GALNT6: variants seen among roughly 807,000 people sequenced by gnomAD.
GALNT6 encodes GalNAc transferase 6.
Under a neutral mutation model 65.9 loss-of-function variants are expected in GALNT6, and 51 were observed. The ratio of observed to expected loss-of-function variants is 0.77; its 90% CI spans 0.62 to 0.98. GALNT6 has a LOEUF of 0.98. Ranked by LOEUF, GALNT6 falls within the 50% of genes least tolerant of loss-of-function variation. GALNT6 has a pLI of 0.00. For synonymous variants in GALNT6, 323 were observed against 315.1 expected (o/e 1.02, Z -0.26); for missense variants, 708 against 803.3 (o/e 0.88, Z 1.43).
chr12:51,371,978 CTTT>C (rs1352949380), intron 4 of GALNT6, among the ~76,000 whole-genome samples: 1 of 152,124 alleles, frequency 6.6e-6, no homozygotes, highest in Non-Finnish European at 1.5e-5. Context: ...TTTTTTCCTC[CTTT>C]CCTCACTGAA....
intron 4 of GALNT6, among the ~76,000 whole-genome samples, chr12:51,374,859 T>C (rs1246885171): frequency 6.6e-6 from 1 of 152,202 alleles, no homozygotes; most frequent in South Asian, 2.1e-4. Context: ...AAAGCTGCCA[T>C]CCTTCTGAAA....
intron 4 of GALNT6, among the ~76,000 whole-genome samples, chr12:51,373,264 A>G (rs1481710454): frequency 6.6e-6 from 1 of 152,112 alleles, no homozygotes; most frequent in Non-Finnish European, 1.5e-5. Context: ...CCTCACCCAA[A>G]TCTCATCTTG....
intron 4 of GALNT6, among the ~76,000 whole-genome samples, chr12:51,368,286 A>G (rs1947176619): frequency 6.6e-6 from 1 of 151,938 alleles, no homozygotes; most frequent in South Asian, 2.1e-4. Context: ...AGGGAGAGAA[A>G]GGGGTTTGTT....
chr12:51,385,768 C>A lies in GALNT6; in HGVS notation c.-104+5082G>T, dbSNP rs568893492. 3.9e-5 allele frequency among the ~76,000 whole-genome samples: 6 copies of A among 152,308 alleles called. No homozygotes were observed. In the South Asian group the frequency reaches 1.2e-3, roughly 32 times the overall value. On this transcript the variant is annotated intron_variant, in intron 2 of 11. Coordinates refer to ENST00000356317, the MANE Select transcript of GALNT6 (RefSeq NM_007210.4). ...GGACTCCTGGACCAGAGAGGCCATGCCATTTCCAGCTTTTTATCACCTACA... is the reference window on the plus strand; with the variant it reads ...GGACTCCTGGACCAGAGAGGCCATGACATTTCCAGCTTTTTATCACCTACA...
chr12:51,380,620 G>A (rs1175510052), intron 2 of GALNT6, among the ~76,000 whole-genome samples: 1 of 152,180 alleles, frequency 6.6e-6, no homozygotes, highest in Admixed American at 6.6e-5. Context: ...GTGAAACCCT[G>A]TCTCTACTAA....
In GALNT6 at chr12:51,379,983, G is replaced by T. The variant is rs1265820200; in HGVS notation, c.-103-99C>A. On this transcript the variant is annotated intron_variant, in intron 2 of 11. Coordinates refer to ENST00000356317, the MANE Select transcript of GALNT6 (RefSeq NM_007210.4). ...AGGCCAGGCTCTGTTGCTGAGTGGT[G>T]GCATCACCTTATTGGCCACAACTTT... 34 of 587,992 alleles carry T rather than the reference G, an allele frequency of 5.8e-5. No individual in the cohort carries two copies. In the East Asian group the frequency reaches 9.2e-4, roughly 16 times the overall value. 36.4% of individuals were successfully genotyped at this position (587,992 alleles called of 1,614,324 possible).
intron 4 of GALNT6, among the ~76,000 whole-genome samples, chr12:51,370,287 G>A (rs1947250997): frequency 1.3e-5 from 2 of 152,234 alleles, no homozygotes; most frequent in African/African-American, 2.4e-5. Context: ...GCTCACGCCT[G>A]TAATCTCAGC....
chr12:51,387,128 C>A lies in GALNT6; in HGVS notation c.-104+3722G>T, dbSNP rs1037514173. Among the ~76,000 whole-genome samples the A allele has an allele frequency of 3.3e-5, 5 of 151,612 alleles. No individual in the cohort carries two copies. Among genetic ancestry groups the A allele is most frequent in the African/African-American group, 1.2e-4 (5 of 41,248 alleles). On this transcript the variant is annotated intron_variant, in intron 2 of 11. Transcript: ENST00000356317. This position sits in a 1 kb window ranked among gnomAD's most constrained non-coding sequence, Gnocchi z 4.2. ...TTTTTTTTTTTTTGAGATGGAGTCT[C>A]ATTCTGTTGCCCATACTGGAGTGCA...
chr12:51,360,894 T>C, intron 6 of GALNT6, 56 bp from the exon 7 acceptor site: 1 of 1,248,688 alleles, frequency 8.0e-7, no homozygotes, highest in Admixed American at 1.8e-5. Flanking sequence ...GAGCGGAGCC[T>C]GGCGGGGAAA....
At chr12:51,365,001 T>C (rs867817791) in intron 5 of GALNT6, among the ~76,000 whole-genome samples, 2 of 152,132 alleles carry the variant, frequency 1.3e-5, no homozygotes, top group African/African-American at 2.4e-5. Flanking sequence ...AAATATTTCA[T>C]CCTCCACAAC....
At chr12:51,359,395 C>T (rs996434929) in intron 7 of GALNT6, 63 bp from the exon 8 acceptor site, 6 of 1,133,446 alleles carry the variant, frequency 5.3e-6, no homozygotes, top group Admixed American at 2.1e-5. Context: ...TCCCCATAAG[C>T]AGCTCTATTC....
intron 6 of GALNT6, 93 bp downstream of exon 6, chr12:51,364,028 G>A: frequency 1.2e-6 from 1 of 831,846 alleles, no homozygotes; most frequent in South Asian, 1.4e-5. Context: ...GCTTGATAGA[G>A]CACCTAACAA....
At chr12:51,357,494 A>T (rs746316648) in intron 9 of GALNT6, 44 bp from the exon 10 acceptor site, 6 of 1,436,576 alleles carry the variant, frequency 4.2e-6, no homozygotes, top group Non-Finnish European at 4.9e-6. Flanking sequence ...TGGCACAGTC[A>T]GGAGGTTCCT....
chr12:51,367,238 C>T (rs1592327970), intron 4 of GALNT6, among the ~76,000 whole-genome samples: 2 of 152,122 alleles, frequency 1.3e-5, no homozygotes, highest in South Asian at 2.1e-4. Context: ...GCCTGGGCAA[C>T]AAGAGCGAAA....
Position 51,363,074 on chromosome 12 carries a change from T to C in GALNT6, c.1049+1047A>G, listed in dbSNP as rs200727594. ...CCAATCCTTTCCTCCTTTCAAACCT[T>C]CCCTCTTATCTCTGGCTACTGTATC... On this transcript the variant is annotated intron_variant, in intron 6 of 11. Transcript: ENST00000356317. Among the ~76,000 whole-genome samples, 7 of 152,134 alleles carry C rather than the reference T, an allele frequency of 4.6e-5. No individual in the cohort carries two copies. The East Asian group carries it at 1.4e-3, about 30-fold the overall frequency.
Position 51,353,769 on chromosome 12 carries a change from G to C in GALNT6, c.*610C>G, listed in dbSNP as rs1220588272. ...TTCTTCTTCTTTTTTGTTTTTTTTT[G>C]AGACAGAGTCTTACCTGTTGCCCAG... On this transcript the variant is annotated 3_prime_UTR_variant, in exon 12 of 12. Coordinates refer to ENST00000356317, the MANE Select transcript of GALNT6 (RefSeq NM_007210.4). The C allele has an allele frequency of 6.7e-6, 1 of 149,842 alleles. No homozygotes were observed. Among genetic ancestry groups the C allele is most frequent in the Non-Finnish European group, 1.5e-5 (1 of 67,572 alleles). The allele number at this position is 149,842 out of a possible 1,614,324, so 9.3% of individuals were successfully genotyped here. A position where few individuals can be genotyped will look rare whatever the true frequency, so the allele number is the denominator to read the frequency against.
chr12:51,378,178 A>C (rs1947524781), intron 3 of GALNT6, among the ~76,000 whole-genome samples: 2 of 151,960 alleles, frequency 1.3e-5, no homozygotes, highest in Non-Finnish European at 2.9e-5. Flanking sequence ...TTTTTGAGAC[A>C]GAGTCTTGCT....
chr12:51,384,295 G>A (rs1947760289), intron 2 of GALNT6, among the ~76,000 whole-genome samples: 1 of 152,218 alleles, frequency 6.6e-6, no homozygotes, highest in African/African-American at 2.4e-5. Context: ...AGGAACTGAG[G>A]CTTTACCCAG....
chr12:51,379,141 G>C, intron 3 of GALNT6, 150 bp downstream of exon 3: 1 of 763,124 alleles, frequency 1.3e-6, no homozygotes, highest in Non-Finnish European at 2.0e-6. Flanking sequence ...AGTTGTTCTG[G>C]GAAAGAAGTG....
Sources: allele counts gnomAD v4.1 joint callset (sites outside exome capture counted in the v4.1 genomes callset), GRCh38; gene constraint gnomAD v4.1.1; non-coding constraint Gnocchi (gnomAD v3.1); transcripts MANE v1.5; gene names NCBI Gene and HGNC (gene_info 2026-07-23, HGNC 2026-07-21).